Variants in DLGAP1 observed in about 807,000 individuals in gnomAD.
DLGAP1 encodes the protein disks large-associated protein 1.
In DLGAP1, 11 loss-of-function variants were observed where a neutral mutation model predicts 90.8. That is an observed-to-expected ratio of 0.12 (90% CI 0.08 to 0.20). The LOEUF is 0.20. Ranked by LOEUF, DLGAP1 falls within the 10% of genes least tolerant of loss-of-function variation. DLGAP1 has a pLI of 1.00. For missense variants in DLGAP1, 1,050 were observed against 1,333.8 expected, an observed-to-expected ratio of 0.79 and a Z score of 3.31; for synonymous variants, 558 against 540.7, an observed-to-expected ratio of 1.03 and a Z score of -0.44.
At chr18:3,918,526 C>T (rs951649142) in intron 3 of DLGAP1, among the ~76,000 whole-genome samples, 6 of 152,046 alleles carry the variant, frequency 3.9e-5, no homozygotes, top group African/African-American at 1.2e-4. Context: ...GAAAAAAATG[C>T]CATTCAGGGA....
At chr18:4,247,541 C>T (rs1408087545) in intron 1 of DLGAP1, among the ~76,000 whole-genome samples, 1 of 152,020 alleles carries the variant, frequency 6.6e-6, no homozygotes, top group Non-Finnish European at 1.5e-5. Flanking sequence ...TTTCGGAGGC[C>T]GAGCCGAGCG....
intron 3 of DLGAP1, among the ~76,000 whole-genome samples, chr18:3,974,349 C>T (rs1489377260): frequency 1.3e-5 from 2 of 152,212 alleles, no homozygotes; most frequent in South Asian, 2.1e-4. Context: ...CACCGTCCTA[C>T]AGGCAATTCA....
At position 4,224,036 on chromosome 18, in the gene DLGAP1, C is replaced by T. The variant is rs528427768; in HGVS notation, c.-266-72749G>A. On this transcript the variant is annotated intron_variant, in intron 1 of 12. Coordinates refer to ENST00000315677, the MANE Select transcript of DLGAP1 (RefSeq NM_004746.4). ...TAGAACACTGAGCAGAGTCCTGAGA[C>T]ACTCATTCCAGGCCCTAACTCCTGG... Among the ~76,000 whole-genome samples, 15 of 152,322 alleles carry T rather than the reference C, an allele frequency of 9.8e-5. No homozygotes were observed. The South Asian group carries it at 2.9e-3, about 29-fold the overall frequency.
chr18:4,300,617 T>C (rs1013091860), intron 1 of DLGAP1, among the ~76,000 whole-genome samples: 1 of 152,192 alleles, frequency 6.6e-6, no homozygotes, highest in Non-Finnish European at 1.5e-5. Flanking sequence ...CTGGTATTAC[T>C]GATCACCCCT....
intron 2 of DLGAP1, among the ~76,000 whole-genome samples, chr18:4,028,340 T>C (rs903250009): frequency 2.0e-5 from 3 of 152,224 alleles, no homozygotes; most frequent in Non-Finnish European, 4.4e-5. Flanking sequence ...AAGTGACATG[T>C]GGAAAGCAGC....
chr18:4,138,377 T>A (rs1223276394), intron 2 of DLGAP1, among the ~76,000 whole-genome samples: 3 of 152,084 alleles, frequency 2.0e-5, no homozygotes. Context: ...GAAATGATCA[T>A]AAGGTTTTTG....
At chr18:4,398,980 C>A (rs1055218738) in intron 1 of DLGAP1, among the ~76,000 whole-genome samples, 1 of 152,126 alleles carries the variant, frequency 6.6e-6, no homozygotes, top group Admixed American at 6.5e-5. Context: ...TACAAGCGCG[C>A]ACCACTACGC....
intron 1 of DLGAP1, among the ~76,000 whole-genome samples, chr18:4,188,562 A>G (rs562264770): frequency 6.6e-6 from 1 of 151,970 alleles, no homozygotes; most frequent in African/African-American, 2.4e-5. Flanking sequence ...GAGAACATGT[A>G]GTGTTTGGTT....
At chr18:4,061,532 T>C (rs1369806053) in intron 2 of DLGAP1, among the ~76,000 whole-genome samples, 1 of 152,148 alleles carries the variant, frequency 6.6e-6, no homozygotes, top group Non-Finnish European at 1.5e-5. Context: ...TTATAAAAGG[T>C]TTATAAAAAT....
At chr18:4,180,786 T>C (rs184136756) in intron 1 of DLGAP1, among the ~76,000 whole-genome samples, 1 of 141,304 alleles carries the variant, frequency 7.1e-6, no homozygotes, top group East Asian at 2.3e-4. Context: ...GTAGGGAAAA[T>C]CACTTCTAAC....
chr18:3,634,483 C>A (rs1272334273), intron 7 of DLGAP1, among the ~76,000 whole-genome samples: 2 of 152,238 alleles, frequency 1.3e-5, no homozygotes, highest in Non-Finnish European at 2.9e-5. Flanking sequence ...GGTTGATCAT[C>A]TTGCTTTTGA....
At chr18:4,250,087 G>A (rs1388726426) in intron 1 of DLGAP1, among the ~76,000 whole-genome samples, 2 of 152,194 alleles carry the variant, frequency 1.3e-5, no homozygotes, top group East Asian at 1.9e-4. Context: ...TCGGAGTTCA[G>A]CAGATGCTGG....
chr18:3,854,790 T>G (rs1039353804), intron 4 of DLGAP1, among the ~76,000 whole-genome samples: 6 of 152,262 alleles, frequency 3.9e-5, no homozygotes, highest in African/African-American at 1.4e-4. Flanking sequence ...TTTACCTGAG[T>G]GTGAGGCAGC....
At chr18:3,627,644 G>A (rs115331227) in intron 7 of DLGAP1, among the ~76,000 whole-genome samples, 4,560 of 151,822 alleles carry the variant, frequency 0.03, 217 homozygotes, top group African/African-American at 0.1. Flanking sequence ...TTTAGTTGTG[G>A]GGCATTCCTT....
At chr18:4,222,921 C>A (rs1049739998) in intron 1 of DLGAP1, among the ~76,000 whole-genome samples, 1 of 151,822 alleles carries the variant, frequency 6.6e-6, no homozygotes, top group African/African-American at 2.4e-5. Flanking sequence ...ATTGGAATGA[C>A]CATAAACAGA....
intron 5 of DLGAP1, among the ~76,000 whole-genome samples, chr18:3,751,554 C>T (rs547680338): frequency 1.3e-5 from 2 of 148,834 alleles, no homozygotes; most frequent in Non-Finnish European, 3.0e-5. Context: ...TGTGACCCGA[C>T]AAAATTTTTT....
chr18:4,147,840 A>G (rs2076611836), intron 2 of DLGAP1, among the ~76,000 whole-genome samples: 1 of 152,202 alleles, frequency 6.6e-6, no homozygotes. Context: ...TCTTTGACTC[A>G]AACTGTAACG....
intron 7 of DLGAP1, among the ~76,000 whole-genome samples, chr18:3,593,055 A>G (rs2056371511): frequency 6.6e-6 from 1 of 152,134 alleles, no homozygotes; most frequent in Admixed American, 6.5e-5. Context: ...ATTCAGTGAC[A>G]GAGTTAGAGT....
intron 3 of DLGAP1, among the ~76,000 whole-genome samples, chr18:3,895,522 C>G (rs568633200): frequency 5.2e-4 from 79 of 152,262 alleles, no homozygotes; most frequent in African/African-American, 1.8e-3. Context: ...GCTGGATGTC[C>G]CAACGCATAG....
Sources: gnomAD v4.1 joint callset for allele counts (sites outside exome capture counted in the v4.1 genomes callset) on GRCh38, gnomAD v4.1.1 for gene constraint, MANE v1.5 for transcripts, NCBI Gene and HGNC (gene_info 2026-07-23, HGNC 2026-07-21) for gene names.